The following PMFBP1 variants were observed in gnomAD, a reference collection of about 807,000 sequenced individuals.
PMFBP1 encodes polyamine-modulated factor 1-binding protein 1.
PMFBP1 carries 131 observed loss-of-function variants against 137.8 expected under a neutral mutation model. The observed-to-expected ratio is 0.95, with a 90% CI of 0.82 to 1.10. PMFBP1 has a LOEUF of 1.10. Ranked by LOEUF, PMFBP1 falls within the 50% of genes least tolerant of loss-of-function variation. The pLI, the probability that PMFBP1 is intolerant of heterozygous loss-of-function variation, is 0.00. For missense variants in PMFBP1, 1,199 were observed against 1,175.4 expected, an observed-to-expected ratio of 1.02 and a Z score of -0.29; for synonymous variants, 490 against 450.4, an observed-to-expected ratio of 1.09 and a Z score of -1.11.
At chr16:72,125,190 T>C (rs1331133386) in intron 16 of PMFBP1, 48 bp downstream of exon 16, 1 of 1,586,410 alleles carries the variant, frequency 6.3e-7, no homozygotes, top group Admixed American at 1.8e-5. Context: ...GAGGTGACCT[T>C]GTGGACCCCT....
intron 10 of PMFBP1, 48 bp from the exon 11 acceptor site, chr16:72,130,770 A>G (rs201194210): frequency 7.2e-6 from 11 of 1,526,648 alleles, no homozygotes; most frequent in Non-Finnish European, 7.9e-6. Flanking sequence ...GTGTATGAAG[A>G]TCACACTCTT....
the PMFBP1 span, among the ~76,000 whole-genome samples, chr16:72,218,113 T>G: frequency 6.6e-6 from 1 of 152,186 alleles, no homozygotes; most frequent in African/African-American, 2.4e-5. Flanking sequence ...GGATACAGAA[T>G]CTTATTTGAA....
intron 4 of PMFBP1, 24 bp downstream of exon 4, chr16:72,154,187 T>C: frequency 6.2e-7 from 1 of 1,607,776 alleles, no homozygotes; most frequent in Non-Finnish European, 8.5e-7. Context: ...ATGTGGGTTA[T>C]TTCCATGGTT....
intron 5 of PMFBP1, among the ~76,000 whole-genome samples, chr16:72,145,412 C>T (rs2042790296): frequency 6.6e-6 from 1 of 151,976 alleles, no homozygotes; most frequent in Non-Finnish European, 1.5e-5. Flanking sequence ...AGCACTAAAT[C>T]CCACAAGAGA....
the PMFBP1 span, among the ~76,000 whole-genome samples, chr16:72,207,996 A>G: frequency 6.6e-6 from 1 of 152,234 alleles, no homozygotes; most frequent in African/African-American, 2.4e-5. Flanking sequence ...CCAATGTCCC[A>G]GCTCAGATAG....
chr16:72,124,961 G>A, intron 16 of PMFBP1, 27 bp from the exon 17 acceptor site: 1 of 1,607,738 alleles, frequency 6.2e-7, no homozygotes, highest in Non-Finnish European at 8.5e-7. Context: ...AGTGAGGAGG[G>A]GGACTCCAGC....
At chr16:72,125,122 G>A in intron 16 of PMFBP1, 116 bp downstream of exon 16, 1 of 1,438,636 alleles carries the variant, frequency 7.0e-7, no homozygotes, top group Non-Finnish European at 9.4e-7. Context: ...AGCCAAGAAA[G>A]TGGAGGGAAC....
the PMFBP1 span, among the ~76,000 whole-genome samples, chr16:72,194,179 C>T: frequency 1.4e-4 from 21 of 152,218 alleles, 1 homozygote; most frequent in South Asian, 2.9e-3. Context: ...TTCCCTTACC[C>T]GGTTTATTTC....
the PMFBP1 span, among the ~76,000 whole-genome samples, chr16:72,239,894 AAAAAAAG>A: frequency 1.3e-3 from 163 of 123,662 alleles, 4 homozygotes; most frequent in African/African-American, 6.6e-3. Flanking sequence ...ACAAAAAAAA[AAAAAAAG>A]AAAAAAAAAA....
intron 14 of PMFBP1, among the ~76,000 whole-genome samples, chr16:72,127,217 C>T (rs1324352963): frequency 2.0e-5 from 3 of 152,148 alleles, no homozygotes; most frequent in Non-Finnish European, 4.4e-5. Flanking sequence ...AAGTTTATTA[C>T]TTTTTCAGAT....
upstream of PMFBP1, among the ~76,000 whole-genome samples, chr16:72,180,732 C>T (rs1362134795): frequency 1.3e-5 from 2 of 152,088 alleles, no homozygotes; most frequent in East Asian, 1.9e-4. Flanking sequence ...AAATCAGAGG[C>T]CTTTGGCTAA....
chr16:72,215,371 A>G, the PMFBP1 span, among the ~76,000 whole-genome samples: 3 of 152,098 alleles, frequency 2.0e-5, no homozygotes, highest in African/African-American at 4.8e-5. Flanking sequence ...AGAGAGAGAA[A>G]AAAAAAACAA....
At chr16:72,214,837 G>T in the PMFBP1 span, among the ~76,000 whole-genome samples, 1 of 151,986 alleles carries the variant, frequency 6.6e-6, no homozygotes. Context: ...AATATAAAAG[G>T]GACTTTAGCA....
the PMFBP1 span, among the ~76,000 whole-genome samples, chr16:72,235,852 C>A: frequency 6.6e-6 from 1 of 152,072 alleles, no homozygotes; most frequent in African/African-American, 2.4e-5. Flanking sequence ...TCGTGCAACA[C>A]TGCTGAACTT....
the PMFBP1 span, among the ~76,000 whole-genome samples, chr16:72,222,124 G>A: frequency 6.6e-6 from 1 of 152,190 alleles, no homozygotes; most frequent in East Asian, 1.9e-4. Flanking sequence ...CAATCCTGGT[G>A]GGGTTTTTTG....
chr16:72,219,319 G>A, the PMFBP1 span, among the ~76,000 whole-genome samples: 2 of 152,192 alleles, frequency 1.3e-5, no homozygotes, highest in African/African-American at 4.8e-5. Context: ...AAGGCACATA[G>A]GGAAAGACAG....
chr16:72,164,797 C>T lies in PMFBP1; in HGVS notation c.132G>A (p.Gln44=). 2 of 1,604,962 alleles carry T rather than the reference C, an allele frequency of 1.2e-6. No homozygotes were observed. Among genetic ancestry groups the T allele is most frequent in the Non-Finnish European group, 1.7e-6 (2 of 1,172,558 alleles). The change falls in exon 3 of 21, where the codon CAG becomes CAA. Residue 44 remains glutamine, a synonymous_variant. Transcript: ENST00000237353. The part of the protein sequence containing the change: ...KRQRKTLQDN[Q]LCMEEAMNSS... ...TGTTCATTGCCTCCTCCATGCAGAG[C>T]TGATTGTCCTGCAAGGTCTTCCTCT...
At chr16:72,146,520 C>T (rs981927254) in intron 5 of PMFBP1, among the ~76,000 whole-genome samples, 5 of 152,084 alleles carry the variant, frequency 3.3e-5, no homozygotes, top group Non-Finnish European at 5.9e-5. Flanking sequence ...GAAGTTCTGG[C>T]CAGGGCAATC....
At chr16:72,119,767 ATTTTC>A in intron 20 of PMFBP1, 79 bp downstream of exon 20, 1 of 1,555,362 alleles carries the variant, frequency 6.4e-7, no homozygotes, top group Non-Finnish European at 8.7e-7. Context: ...CAAAAGGCCT[ATTTTC>A]TTCTTCCTAC....
Sources: allele counts gnomAD v4.1 joint callset (sites outside exome capture counted in the v4.1 genomes callset), GRCh38; gene constraint gnomAD v4.1.1; transcripts MANE v1.5; gene names NCBI Gene and HGNC (gene_info 2026-07-23, HGNC 2026-07-21).